Variants in TANC1 observed in about 807,000 individuals in gnomAD.
TANC1 encodes the protein protein TANC1.
Under a neutral mutation model 149.7 loss-of-function variants are expected in TANC1, and 77 were observed. The observed-to-expected ratio is 0.51, with a 90% confidence interval of 0.43 to 0.62. The LOEUF (loss-of-function observed/expected upper bound fraction) is 0.62. Ranked by LOEUF, TANC1 falls within the 20% of genes least tolerant of loss-of-function variation. The pLI, the probability that TANC1 is intolerant of heterozygous loss-of-function variation, is 0.00. For missense variants in TANC1, 1,985 were observed against 2,321.8 expected, an observed-to-expected ratio of 0.85 and a Z score of 2.98; for synonymous variants, 854 against 925.0, an observed-to-expected ratio of 0.92 and a Z score of 1.39.
Position 159,224,643 on chromosome 2 carries a change from T to G in TANC1, c.3811+279T>G, listed in dbSNP as rs2059909598. On this transcript the variant is annotated intron_variant, in intron 23 of 26. Coordinates refer to ENST00000263635, the MANE Select transcript of TANC1 (RefSeq NM_033394.3). ...ACGCCAGAGAGGAACCACAGCCTCTTGCTGTGGGGTGGGGCCGGGTAGTGC... is the reference window on the plus strand; with the variant it reads ...ACGCCAGAGAGGAACCACAGCCTCTGGCTGTGGGGTGGGGCCGGGTAGTGC... 1.1e-5 allele frequency: 4 copies of G among 371,582 alleles called. No individual in the cohort carries two copies. In the East Asian group the frequency reaches 1.8e-4, roughly 17 times the overall value. 23.0% of individuals were successfully genotyped at this position (371,582 alleles called of 1,614,324 possible).
At chr2:159,142,978 G>A (rs1196775472) in intron 5 of TANC1, among the ~76,000 whole-genome samples, 1 of 150,422 alleles carries the variant, frequency 6.6e-6, no homozygotes, top group Non-Finnish European at 1.5e-5. Context: ...CAGGAGAATT[G>A]CTTGAACCCA....
intron 2 of TANC1, among the ~76,000 whole-genome samples, chr2:159,051,651 T>TGTGTG (rs2041474905): frequency 9.1e-5 from 13 of 142,968 alleles, no homozygotes; most frequent in Admixed American, 5.6e-4. Flanking sequence ...GAAGTGGTGT[T>TGTGTG]TGTGTGTGTG....
chr2:159,123,078 C>T (rs1377886721), intron 4 of TANC1, among the ~76,000 whole-genome samples: 2 of 152,108 alleles, frequency 1.3e-5, no homozygotes, highest in African/African-American at 4.8e-5. Flanking sequence ...GAGACAATTG[C>T]GTTCTGCATC....
At chr2:159,116,459 A>T (rs956971194) in intron 4 of TANC1, among the ~76,000 whole-genome samples, 1 of 150,474 alleles carries the variant, frequency 6.6e-6, no homozygotes, top group Non-Finnish European at 1.5e-5. Context: ...AACAACAAAA[A>T]AAAAAAAACA....
chr2:159,009,173 A>C (rs1406425508), intron 2 of TANC1, among the ~76,000 whole-genome samples: 1 of 150,242 alleles, frequency 6.7e-6, no homozygotes, highest in South Asian at 2.1e-4. Context: ...TGAGCCCATA[A>C]AAAAATAAAA....
chr2:159,029,606 C>T (rs762699040), intron 2 of TANC1, among the ~76,000 whole-genome samples: 3 of 152,322 alleles, frequency 2.0e-5, no homozygotes, highest in Middle Eastern at 6.8e-3. Context: ...CTCTGTCAAC[C>T]AGGCTGGAGT....
At chr2:158,993,802 T>C (rs572102478) in intron 1 of TANC1, among the ~76,000 whole-genome samples, 1 of 152,162 alleles carries the variant, frequency 6.6e-6, no homozygotes, top group Non-Finnish European at 1.5e-5. Context: ...ATTTCTAAAG[T>C]CATCTCCTGG....
At chr2:159,204,017 C>T (rs1310879955) in intron 19 of TANC1, among the ~76,000 whole-genome samples, 2 of 152,250 alleles carry the variant, frequency 1.3e-5, no homozygotes, top group Non-Finnish European at 2.9e-5. Flanking sequence ...ATGGTAGCTA[C>T]TAGCCACATG....
At chr2:159,224,500 C>G in intron 23 of TANC1, 136 bp downstream of exon 23, 1 of 972,056 alleles carries the variant, frequency 1.0e-6, no homozygotes. Flanking sequence ...GTCTCAGTCT[C>G]ACTTAATCAC....
chr2:159,178,550 C>T lies in TANC1; in HGVS notation c.1903-6C>T, dbSNP rs1409937767. ...TGACACTGTGGGTTTTTGTTTTCTC[C>T]CCCAGGAAATCATAAGTGCGCTGCC... On this transcript the variant is annotated splice_polypyrimidine_tract_variant and splice_region_variant and intron_variant, in intron 13 of 26. Transcript: ENST00000263635. 2 of 1,545,004 alleles carry T rather than the reference C, an allele frequency of 1.3e-6. No homozygotes were observed. Among genetic ancestry groups the T allele is most frequent in the Admixed American group, 2.1e-5 (1 of 47,552 alleles).
intron 1 of TANC1, among the ~76,000 whole-genome samples, chr2:158,999,001 G>A (rs2036392952): frequency 6.6e-6 from 1 of 152,166 alleles, no homozygotes; most frequent in African/African-American, 2.4e-5. Context: ...CAGACTTGGG[G>A]ATTTGCCCAG....
At chr2:159,088,191 G>C (rs1188247018) in intron 3 of TANC1, among the ~76,000 whole-genome samples, 1 of 152,022 alleles carries the variant, frequency 6.6e-6, no homozygotes, top group African/African-American at 2.4e-5. Context: ...GTGCAGTCGG[G>C]CTCTGGTGCC....
chr2:159,103,439 G>A lies in TANC1; in HGVS notation c.259+5605G>A, dbSNP rs545153178. 1.1e-3 allele frequency among the ~76,000 whole-genome samples: 104 copies of A among 96,130 alleles called. 25 individuals carry two copies. Among genetic ancestry groups the A allele is most frequent in the African/African-American group, 2.6e-3 (92 of 34,786 alleles). 63.1% of individuals were successfully genotyped at this position (96,130 alleles called of 152,430 possible). On this transcript the variant is annotated intron_variant, in intron 4 of 26. Transcript: ENST00000263635. ...AGCTTAAATGGATGGTGCTTTGTGC[G>A]GCCTAACTGTGGACTACTGACAATT...
At chr2:159,212,203 G>A (rs1474820747) in intron 19 of TANC1, among the ~76,000 whole-genome samples, 1 of 152,228 alleles carries the variant, frequency 6.6e-6, no homozygotes, top group Non-Finnish European at 1.5e-5. Context: ...GAAGAGTCCT[G>A]TGTTTATTCC....
At chr2:159,210,498 A>G (rs1205003819) in intron 19 of TANC1, among the ~76,000 whole-genome samples, 1 of 152,156 alleles carries the variant, frequency 6.6e-6, no homozygotes, top group Non-Finnish European at 1.5e-5. Context: ...CATCCATTTT[A>G]TGGTGCAAAA....
chr2:159,197,021 T>C (rs559402551), intron 18 of TANC1, among the ~76,000 whole-genome samples: 1 of 152,310 alleles, frequency 6.6e-6, no homozygotes, highest in South Asian at 2.1e-4. Context: ...ATGGGAAGCC[T>C]TTTGATGACA....
intron 8 of TANC1, 59 bp from the exon 9 acceptor site, chr2:159,169,191 C>G: frequency 7.0e-7 from 1 of 1,422,978 alleles, no homozygotes; most frequent in Admixed American, 1.7e-5. Flanking sequence ...GTTATAGTCA[C>G]TTAGGTATGA....
intron 1 of TANC1, among the ~76,000 whole-genome samples, chr2:158,975,585 T>C (rs2033557452): frequency 1.3e-5 from 2 of 151,424 alleles, no homozygotes; most frequent in Admixed American, 1.3e-4. Context: ...TTTTTTTTTT[T>C]TGTCGGTGTC....
intron 14 of TANC1, among the ~76,000 whole-genome samples, chr2:159,182,207 C>CA (rs11437110): frequency 0.97 from 145,528 of 149,836 alleles, 70,697 homozygotes; most frequent in East Asian, 1. Context: ...AAAACTGTCT[C>CA]AAAAAAAAAG....
Sources: allele counts gnomAD v4.1 joint callset (sites outside exome capture counted in the v4.1 genomes callset), GRCh38; gene constraint gnomAD v4.1.1; transcripts MANE v1.5; gene names NCBI Gene and HGNC (gene_info 2026-07-23, HGNC 2026-07-21).